Variants in NAA25 observed in about 807,000 individuals in gnomAD.
The protein encoded by NAA25 is N-alpha-acetyltransferase 25, NatB auxiliary subunit, also known as N-terminal acetyltransferase B complex subunit NAA25.
NAA25 carries 30 observed loss-of-function variants against 132.5 expected under a neutral mutation model. The observed-to-expected ratio is 0.23, with a 90% confidence interval of 0.17 to 0.31. NAA25 has a LOEUF of 0.31. Among genes scored for constraint, NAA25 ranks in the 10% least tolerant of loss-of-function variants. NAA25 has a pLI of 1.00. For synonymous variants in NAA25, 359 were observed against 401.9 expected (o/e 0.89, Z 1.28); for missense variants, 771 against 1,150.4 (o/e 0.67, Z 4.77).
intron 11 of NAA25, among the ~76,000 whole-genome samples, chr12:112,068,311 C>T (rs1363474174): frequency 6.6e-6 from 1 of 152,120 alleles, no homozygotes; most frequent in Non-Finnish European, 1.5e-5. Flanking sequence ...TAAAGGGTAG[C>T]ATGTGGGATT....
At chr12:112,076,132 C>T (rs982891201) in intron 7 of NAA25, among the ~76,000 whole-genome samples, 10 of 152,288 alleles carry the variant, frequency 6.6e-5, no homozygotes, top group South Asian at 2.1e-4. Flanking sequence ...ATCCACCCAT[C>T]CCAGCCTCCC....
At chr12:112,089,849 T>C (rs1366907984) in intron 3 of NAA25, among the ~76,000 whole-genome samples, 2 of 151,202 alleles carry the variant, frequency 1.3e-5, no homozygotes, top group Non-Finnish European at 3.0e-5. Context: ...AAAAATTAGC[T>C]GGGGATGGTG....
At chr12:112,044,649 G>A (rs974072525) in intron 17 of NAA25, among the ~76,000 whole-genome samples, 11 of 150,994 alleles carry the variant, frequency 7.3e-5, no homozygotes, top group South Asian at 2.1e-4. Context: ...CAGCCTGGGC[G>A]ACAGAGCAAG....
At chr12:112,038,719 C>A (rs563134302) in intron 22 of NAA25, among the ~76,000 whole-genome samples, 5 of 152,300 alleles carry the variant, frequency 3.3e-5, no homozygotes, top group African/African-American at 1.2e-4. Flanking sequence ...GTGGCTCACG[C>A]CTGTAATCTC....
chr12:112,068,755 G>C (rs1053193955), intron 11 of NAA25, 125 bp downstream of exon 11: 3 of 585,510 alleles, frequency 5.1e-6, no homozygotes, highest in Non-Finnish European at 9.0e-6. Context: ...AGCTTGACAG[G>C]GCAGTTATCA....
At chr12:112,097,190 T>A (rs1002253685) in intron 1 of NAA25, 3 of 152,168 alleles carry the variant, frequency 2.0e-5, no homozygotes, top group African/African-American at 7.2e-5. Context: ...AGTCAGTAAG[T>A]TACAAGGAAC....
intron 9 of NAA25, among the ~76,000 whole-genome samples, chr12:112,072,646 TA>T (rs1444271968): frequency 7.1e-6 from 1 of 141,392 alleles, no homozygotes; most frequent in Non-Finnish European, 1.5e-5. Context: ...AATTGCCTAA[TA>T]AAAATATAAG....
chr12:112,087,949 G>C, intron 3 of NAA25, 148 bp from the exon 4 acceptor site: 1 of 614,722 alleles, frequency 1.6e-6, no homozygotes, highest in Non-Finnish European at 2.9e-6. Flanking sequence ...TCATCTCTTG[G>C]TTAGGTGGTG....
chr12:112,093,265 C>A, intron 1 of NAA25, 129 bp from the exon 2 acceptor site: 1 of 541,734 alleles, frequency 1.8e-6, no homozygotes. Flanking sequence ...GGAGGCCGGG[C>A]GTGGTGGCTT....
intron 2 of NAA25, among the ~76,000 whole-genome samples, chr12:112,091,185 C>A (rs2079123184): frequency 1.3e-5 from 2 of 151,452 alleles, no homozygotes; most frequent in African/African-American, 4.9e-5. Context: ...CTCCTCGAGC[C>A]CGGGAGGTTG....
chr12:112,076,027 C>T (rs1404644420), intron 7 of NAA25, among the ~76,000 whole-genome samples: 1 of 152,118 alleles, frequency 6.6e-6, no homozygotes, highest in Non-Finnish European at 1.5e-5. Flanking sequence ...GGATTACAGG[C>T]ATCTGCCACC....
chr12:112,095,096 G>A (rs1447715687), intron 1 of NAA25, among the ~76,000 whole-genome samples: 1 of 152,090 alleles, frequency 6.6e-6, no homozygotes, highest in African/African-American at 2.4e-5. Context: ...GAGGCCAGAA[G>A]TACAAGACCA....
chr12:112,065,747 C>T (rs1054730933), intron 11 of NAA25: 1 of 152,244 alleles, frequency 6.6e-6, no homozygotes, highest in Non-Finnish European at 1.5e-5. Flanking sequence ...AAGATTAGAA[C>T]ATCACCCAGG....
chr12:112,102,750 G>C (rs1467649830), intron 1 of NAA25, among the ~76,000 whole-genome samples: 1 of 145,048 alleles, frequency 6.9e-6, no homozygotes, highest in Non-Finnish European at 1.5e-5. Context: ...GCAATAGCGC[G>C]ATCTCGGCTC....
At chr12:112,076,763 A>G (rs1279423863) in intron 7 of NAA25, among the ~76,000 whole-genome samples, 1 of 152,058 alleles carries the variant, frequency 6.6e-6, no homozygotes, top group Non-Finnish European at 1.5e-5. Context: ...TGGGAGGCTG[A>G]AGCAGGCAGA....
intron 1 of NAA25, among the ~76,000 whole-genome samples, chr12:112,096,636 C>T (rs1413415368): frequency 6.6e-6 from 1 of 152,194 alleles, no homozygotes; most frequent in African/African-American, 2.4e-5. Flanking sequence ...TCTAAAAGCA[C>T]ATAATCTTGG....
intron 1 of NAA25, among the ~76,000 whole-genome samples, chr12:112,102,057 T>C (rs1162589218): frequency 6.6e-6 from 1 of 151,594 alleles, no homozygotes; most frequent in Non-Finnish European, 1.5e-5. Flanking sequence ...TTAGTAGAGA[T>C]GGGTTTTCAC....
chr12:112,074,270 G>A (rs2078860929), intron 9 of NAA25, among the ~76,000 whole-genome samples: 2 of 150,220 alleles, frequency 1.3e-5, no homozygotes, highest in African/African-American at 4.9e-5. Flanking sequence ...GCTTCTGGGA[G>A]GCAGAGGTTG....
chr12:112,104,783 C>T (rs370338470), intron 1 of NAA25, among the ~76,000 whole-genome samples: 5 of 151,138 alleles, frequency 3.3e-5, no homozygotes, highest in South Asian at 2.1e-4. Context: ...TTGCAGTGAG[C>T]GGAGATCACG....
Sources: allele counts gnomAD v4.1 joint callset (sites outside exome capture counted in the v4.1 genomes callset), GRCh38; gene constraint gnomAD v4.1.1; transcripts MANE v1.5; gene names NCBI Gene and HGNC (gene_info 2026-07-23, HGNC 2026-07-21).